CYBA: variants seen among roughly 807,000 people sequenced by gnomAD.
CYBA encodes the protein cytochrome b-245 light chain.
Under a neutral mutation model 20.8 loss-of-function variants are expected in CYBA, and 21 were observed. The ratio of observed to expected loss-of-function variants is 1.01; its 90% CI spans 0.72 to 1.46. The LOEUF is 1.46. Ranked by LOEUF, CYBA falls within the 40% of genes most tolerant of loss-of-function variation. The probability of loss-of-function intolerance (pLI) is 0.00; values close to 1 mark genes in which losing one functional copy is unlikely to be tolerated. For synonymous variants in CYBA, 164 were observed against 127.5 expected, an observed-to-expected ratio of 1.29 and a Z score of -1.93; for missense variants, 344 against 287.0, an observed-to-expected ratio of 1.20 and a Z score of -1.43.
At position 88,643,814 on chromosome 16, in the gene CYBA, G is replaced by A. The variant is rs994035724; in HGVS notation, c.370-243C>T. 6.6e-6 allele frequency among the ~76,000 whole-genome samples: 1 copy of A among 152,220 alleles called. No homozygotes were observed. Among genetic ancestry groups the A allele is most frequent in the African/African-American group, 2.4e-5 (1 of 41,450 alleles). ...GCCAGGAGTGGGGCCCGAACCCCTG[G>A]GCTTCTGGAAGATCCCGTGGTGGAC... is the stretch of plus-strand genomic sequence containing the variant. On this transcript the variant is annotated intron_variant, in intron 5 of 5. Transcript: ENST00000261623. The surrounding 1 kb of genome is among the most constrained non-coding windows in gnomAD (Gnocchi z 4.3).
intron 1 of CYBA, among the ~76,000 whole-genome samples, chr16:88,648,592 G>A (rs1907377528): frequency 6.6e-6 from 1 of 152,026 alleles, no homozygotes; most frequent in Admixed American, 6.5e-5. Flanking sequence ...CATTTTTGGG[G>A]GGGTATTGTC....
chr16:88,650,519 CCCCAAGCCCA>C, intron 1 of CYBA: 1 of 475,468 alleles, frequency 2.1e-6, no homozygotes, highest in South Asian at 1.5e-5. Flanking sequence ...CCATTCCCCA[CCCCAAGCCCA>C]GGGAGAGCGA....
chr16:88,645,724 C>A, intron 5 of CYBA: 2 of 541,408 alleles, frequency 3.7e-6, no homozygotes, highest in South Asian at 4.3e-5. Context: ...CATGAATCAG[C>A]GCGAATAGGG....
At position 88,646,732 on chromosome 16, in the gene CYBA, G is replaced by A. The variant is rs1009303753; in HGVS notation, c.287+23C>T. On this transcript the variant is annotated intron_variant, in intron 4 of 5. Transcript: ENST00000261623. ...GCTCCAAGCCCTCCTGAGCCCTAGA[G>A]GGGGTGCGGGACGGGGACTCACAGG... 9 of 1,606,222 alleles carry A rather than the reference G, an allele frequency of 5.6e-6. No homozygotes were observed. In the African/African-American group the frequency reaches 1.1e-4, roughly 19 times the overall value.
At position 88,646,705 on chromosome 16, in the gene CYBA, C is replaced by G. The variant is rs375705602; in HGVS notation, c.287+50G>C. 1.1e-5 allele frequency: 17 copies of G among 1,518,208 alleles called. No individual in the cohort carries two copies. The East Asian group carries it at 2.5e-4, about 22-fold the overall frequency. The allele number at this position is 1,518,208 out of a possible 1,614,324, so 94.0% of individuals were successfully genotyped here. ...CGGCCGGTGGGACAGTGGGGAGGGT[C>G]GGCTCCAAGCCCTCCTGAGCCCTAG... is the stretch of plus-strand genomic sequence containing the variant. On this transcript the variant is annotated intron_variant, in intron 4 of 5. Transcript: ENST00000261623.
chr16:88,647,836 T>TA (rs1004128877), intron 2 of CYBA: 6 of 632,028 alleles, frequency 9.5e-6, no homozygotes, highest in Non-Finnish European at 1.1e-5. Context: ...CACCAGGACT[T>TA]AGACTGGCGG....
chr16:88,647,674 G>C (rs768554425), intron 2 of CYBA: 9 of 395,670 alleles, frequency 2.3e-5, no homozygotes, highest in Middle Eastern at 7.5e-4. Flanking sequence ...CGCAAGGTCC[G>C]GCTGGGCGGC....
At chr16:88,645,399 A>G in intron 5 of CYBA, 1 of 702,432 alleles carries the variant, frequency 1.4e-6, no homozygotes, top group Non-Finnish European at 2.6e-6. Context: ...AGGGGAGGGC[A>G]GTTGCCTCTG....
At chr16:88,644,990 G>C (rs746317003) in intron 5 of CYBA, 5 of 601,652 alleles carry the variant, frequency 8.3e-6, no homozygotes, top group Non-Finnish European at 1.2e-5. Context: ...AAACTGGCAA[G>C]CGTGGGAGAA....
At chr16:88,646,955 G>T in intron 3 of CYBA, 117 bp from the exon 4 acceptor site, 1 of 1,184,794 alleles carries the variant, frequency 8.4e-7, no homozygotes, top group Non-Finnish European at 1.2e-6. Context: ...AAAACACACC[G>T]GGCAGGCACC....
intron 1 of CYBA, chr16:88,650,673 C>T (rs766861246): frequency 2.8e-5 from 17 of 602,380 alleles, no homozygotes; most frequent in Non-Finnish European, 5.2e-5. Context: ...TGCGCTGCAA[C>T]TTCCTCCTTC....
In CYBA at chr16:88,643,541, TG is replaced by T. The variant is rs758709616; in HGVS notation, c.399del (p.Ile134SerfsTer57). 3 of 1,534,858 alleles carry T rather than the reference TG, an allele frequency of 2.0e-6. No individual in the cohort carries two copies. The Admixed American group carries it at 5.9e-5, about 30-fold the overall frequency. ...LAAVRGEQWT[P>X]IEPKPRERPQ... Reference sequence around the variant, plus strand: ...GGCCGCTCCCGGGGCTTGGGCTCGATGGGCGTCCACTGCTCGCCACGCACAG... The same window carrying T: ...GGCCGCTCCCGGGGCTTGGGCTCGATGGCGTCCACTGCTCGCCACGCACAG... On this transcript the variant is annotated frameshift_variant, in exon 6 of 6. Transcript: ENST00000261623. This position sits in a 1 kb window ranked among gnomAD's most constrained non-coding sequence, Gnocchi z 4.3.
intron 5 of CYBA, chr16:88,645,477 C>A: frequency 1.4e-6 from 1 of 695,910 alleles, no homozygotes; most frequent in Non-Finnish European, 2.6e-6. Context: ...GCTCTGTCCA[C>A]CCAGAGACCC....
intron 5 of CYBA, among the ~76,000 whole-genome samples, chr16:88,644,563 G>A (rs1409463710): frequency 6.6e-6 from 1 of 152,240 alleles, no homozygotes; most frequent in Admixed American, 6.5e-5. Flanking sequence ...GGTGGCTCAC[G>A]CCTGTAATCC....
chr16:88,644,276 T>C (rs1273294231), intron 5 of CYBA, among the ~76,000 whole-genome samples: 3 of 152,166 alleles, frequency 2.0e-5, no homozygotes, highest in Non-Finnish European at 2.9e-5. Context: ...CATTCCATTC[T>C]GAAAAGCAAA....
rs1325211201 is a variant in CYBA at position 88,646,111 on chromosome 16, C to T, written c.369+5G>A. ...CCGGGGCCGACCTCAGAGGGCGCCACTCACCAGTAGGTAGATGCCGCTCGC... is the reference window on the plus strand; with the variant it reads ...CCGGGGCCGACCTCAGAGGGCGCCATTCACCAGTAGGTAGATGCCGCTCGC... On this transcript the variant is annotated splice_donor_5th_base_variant and intron_variant, in intron 5 of 5. Coordinates refer to ENST00000261623, the MANE Select transcript of CYBA (RefSeq NM_000101.4). The T allele has an allele frequency of 6.4e-7, 1 of 1,550,682 alleles. No individual in the cohort carries two copies. Among genetic ancestry groups the T allele is most frequent in the Non-Finnish European group, 8.7e-7 (1 of 1,148,730 alleles).
intron 5 of CYBA, chr16:88,645,200 T>C (rs1211661699): frequency 1.4e-6 from 1 of 702,284 alleles, no homozygotes; most frequent in Non-Finnish European, 2.6e-6. Flanking sequence ...ACGGGGGGGA[T>C]GCGGGTGGCC....
intron 4 of CYBA, 121 bp downstream of exon 4, chr16:88,646,634 T>G (rs1392861890): frequency 2.2e-6 from 2 of 893,054 alleles, no homozygotes; most frequent in East Asian, 2.4e-5. Context: ...AATTTTTGTT[T>G]GGAAAAACAC....
At chr16:88,645,699 C>A (rs758477065) in intron 5 of CYBA, 18 of 554,820 alleles carry the variant, frequency 3.2e-5, no homozygotes, top group Middle Eastern at 4.8e-4. Context: ...AAAATGTCTG[C>A]GTCCTGGCAC....
Sources: allele counts gnomAD v4.1 joint callset (sites outside exome capture counted in the v4.1 genomes callset), GRCh38; gene constraint gnomAD v4.1.1; non-coding constraint Gnocchi (gnomAD v3.1); transcripts MANE v1.5; gene names NCBI Gene and HGNC (gene_info 2026-07-23, HGNC 2026-07-21).